Variants in PCDHA7 observed in about 807,000 individuals in gnomAD.
PCDHA7 encodes the protein protocadherin alpha-7.
PCDHA7 carries 37 observed loss-of-function variants against 57.2 expected under a neutral mutation model. The ratio of observed to expected loss-of-function variants is 0.65; its 90% CI spans 0.50 to 0.85. The LOEUF (loss-of-function observed/expected upper bound fraction) is 0.85. Among genes scored for constraint, PCDHA7 ranks in the 40% least tolerant of loss-of-function variants. PCDHA7 has a pLI of 0.00. For synonymous variants in PCDHA7, 553 were observed against 558.8 expected (o/e 0.99, Z 0.15); for missense variants, 1,188 against 1,241.8 (o/e 0.96, Z 0.65).
chr5:140,928,675 T>C (rs782241604), intron 1 of PCDHA7: 1 of 1,614,210 alleles, frequency 6.2e-7, no homozygotes, highest in South Asian at 1.1e-5. Flanking sequence ...TTCTAATGCC[T>C]GGCTTTCCTA....
intron 1 of PCDHA7, chr5:140,865,001 C>T (rs185152337): frequency 6.6e-6 from 1 of 152,206 alleles, no homozygotes; most frequent in East Asian, 1.9e-4. Flanking sequence ...AGTTTGAGAC[C>T]AGCCTCGGCA....
intron 1 of PCDHA7, chr5:140,861,489 T>C (rs1263329401): frequency 2.0e-6 from 1 of 487,812 alleles, no homozygotes; most frequent in Non-Finnish European, 4.2e-6. Flanking sequence ...TTTTGTGAGT[T>C]CTCTGATAGA....
intron 1 of PCDHA7, chr5:140,870,294 G>A (rs1554164013): frequency 3.1e-6 from 5 of 1,614,192 alleles, no homozygotes; most frequent in Non-Finnish European, 3.4e-6. Flanking sequence ...TCAAGCTGGT[G>A]TCCACCTTCA....
At chr5:140,884,120 G>A in intron 1 of PCDHA7, 1 of 1,613,322 alleles carries the variant, frequency 6.2e-7, no homozygotes, top group Non-Finnish European at 8.5e-7. Flanking sequence ...GGCGGTCGGC[G>A]CGCGCATCCC....
chr5:140,968,918 A>G, intron 1 of PCDHA7: 1 of 1,614,164 alleles, frequency 6.2e-7, no homozygotes, highest in Non-Finnish European at 8.5e-7. Context: ...AGTGTCTTTT[A>G]TATTTCTTTT....
chr5:140,882,213 T>C, intron 1 of PCDHA7: 2 of 1,538,576 alleles, frequency 1.3e-6, no homozygotes, highest in Non-Finnish European at 1.8e-6. Flanking sequence ...TGAGAGACAG[T>C]TTGAGGTAAG....
rs1554168216 is a variant in PCDHA7, at chr5:140,876,040, A to G, written c.2355+39302A>G. 2 of 1,613,752 alleles carry G rather than the reference A, an allele frequency of 1.2e-6. No homozygotes were observed. Among genetic ancestry groups the G allele is most frequent in the African/African-American group, 1.3e-5 (1 of 74,922 alleles). ...AATAAAAACAAAAAAAGATAAAAGT[A>G]TATTGCCTGAATTAGTTCTTCGGAA... On this transcript the variant is annotated intron_variant, in intron 1 of 3. Coordinates refer to ENST00000525929, the MANE Select transcript of PCDHA7 (RefSeq NM_018910.3).
intron 1 of PCDHA7, chr5:140,857,485 G>C (rs1554150101): frequency 6.3e-7 from 1 of 1,598,368 alleles, no homozygotes; most frequent in Non-Finnish European, 8.6e-7. Context: ...TGTCTGCGTG[G>C]GACGCGGACG....
At chr5:140,857,858 G>A in intron 1 of PCDHA7, 3 of 1,597,854 alleles carry the variant, frequency 1.9e-6, no homozygotes, top group Non-Finnish European at 2.6e-6. Context: ...TGGATACAAC[G>A]CGTGGCTGTC....
intron 1 of PCDHA7, among the ~76,000 whole-genome samples, chr5:140,846,525 C>T (rs140986120): frequency 1.3e-5 from 2 of 148,378 alleles, no homozygotes; most frequent in East Asian, 3.9e-4. Context: ...CAGGTGCATG[C>T]CACCATGCCC....
intron 3 of PCDHA7, among the ~76,000 whole-genome samples, chr5:140,990,585 T>C (rs2097401437): frequency 6.6e-6 from 1 of 152,204 alleles, no homozygotes; most frequent in Non-Finnish European, 1.5e-5. Flanking sequence ...TCTTTTCCTA[T>C]AATCACCTGG....
intron 1 of PCDHA7, chr5:140,966,441 CT>C (rs1165111455): frequency 7.1e-6 from 3 of 424,684 alleles, no homozygotes; most frequent in African/African-American, 4.1e-5. Context: ...CTACCGCTCC[CT>C]TTCCCCCTCC....
In PCDHA7 at chr5:140,937,039, C is replaced by CTT. The variant is rs34994034; in HGVS notation, c.2356-41895_2356-41894dup. On this transcript the variant is annotated intron_variant, in intron 1 of 3. Coordinates refer to ENST00000525929, the MANE Select transcript of PCDHA7 (RefSeq NM_018910.3). ...TAACAAGGTATATTCTTCCATTTATCTTTTTTTTTTTTTTTTGAGACGGAG... is the reference window on the plus strand; with the variant it reads ...TAACAAGGTATATTCTTCCATTTATCTTTTTTTTTTTTTTTTTTGAGACGGAG... 3.4e-3 allele frequency among the ~76,000 whole-genome samples: 476 copies of CTT among 140,122 alleles called. 6 individuals carry two copies. The highest frequency in any genetic ancestry group is 0.011 in the South Asian group (47 of 4,432). 91.9% of individuals were successfully genotyped at this position (140,122 alleles called of 152,430 possible).
intron 1 of PCDHA7, chr5:140,854,192 T>C: frequency 3.9e-6 from 2 of 506,570 alleles, no homozygotes; most frequent in Non-Finnish European, 5.1e-6. Flanking sequence ...GTTTAACTAC[T>C]CCCTACTTTT....
intron 1 of PCDHA7, chr5:140,854,216 A>T (rs1332746944): frequency 4.7e-6 from 3 of 633,232 alleles, no homozygotes; most frequent in Non-Finnish European, 5.9e-6. Flanking sequence ...TCAATATTGG[A>T]CATCTACATT....
chr5:140,849,635 T>A (rs2150443379), intron 1 of PCDHA7: 1 of 1,598,758 alleles, frequency 6.3e-7, no homozygotes, highest in South Asian at 1.1e-5. Flanking sequence ...TAGACGCAGA[T>A]GCCAACGGGC....
chr5:140,927,640 A>G (rs2084459027), intron 1 of PCDHA7: 8 of 1,614,138 alleles, frequency 5.0e-6, no homozygotes, highest in Non-Finnish European at 6.8e-6. Flanking sequence ...ACCCAATGGG[A>G]CTGTGTTATT....
rs190376919 is a variant in PCDHA7 at position 140,840,629 on chromosome 5, G to A, written c.2355+3891G>A. Among the ~76,000 whole-genome samples, 4 of 152,140 alleles carry A rather than the reference G, an allele frequency of 2.6e-5. No homozygotes were observed. The East Asian group carries it at 7.7e-4, about 29-fold the overall frequency. On this transcript the variant is annotated intron_variant, in intron 1 of 3. Coordinates refer to ENST00000525929, the MANE Select transcript of PCDHA7 (RefSeq NM_018910.3). ...GAGAGGCTGAATTTAACAAGCTATA[G>A]AGATATAGAGAAATAGTGTAAAGAA...
At chr5:140,857,833 A>C (rs1554150723) in intron 1 of PCDHA7, 1 of 1,597,676 alleles carries the variant, frequency 6.3e-7, no homozygotes. Context: ...AGGTGCGCGC[A>C]GTGGACGCTG....
Sources: allele counts gnomAD v4.1 joint callset (sites outside exome capture counted in the v4.1 genomes callset), GRCh38; gene constraint gnomAD v4.1.1; transcripts MANE v1.5; gene names NCBI Gene and HGNC (gene_info 2026-07-23, HGNC 2026-07-21).